TRAP1: variants seen among roughly 807,000 people sequenced by gnomAD.
The protein encoded by TRAP1 is heat shock protein 75 kDa, mitochondrial.
A neutral mutation model predicts 89.1 loss-of-function variants in TRAP1; 102 were observed. That is an observed-to-expected ratio of 1.15 (90% CI 0.98 to 1.35). The LOEUF (loss-of-function observed/expected upper bound fraction) is 1.35, where lower values mean the gene tolerates loss of function less well. TRAP1 is among the 40% of genes most tolerant of loss of function. The pLI is 0.00. For synonymous variants in TRAP1, 508 were observed against 388.0 expected, an observed-to-expected ratio of 1.31 and a Z score of -3.64; for missense variants, 1,256 against 945.3, an observed-to-expected ratio of 1.33 and a Z score of -4.31.
chr16:3,696,136 G>A, intron 1 of TRAP1, among the ~76,000 whole-genome samples: 1 of 152,266 alleles, frequency 6.6e-6, no homozygotes, highest in East Asian at 1.9e-4. Context: ...ACGTCCCAGG[G>A]AAAGCCTTTG....
intron 16 of TRAP1, chr16:3,661,232 C>T (rs1385447884): frequency 6.6e-6 from 1 of 152,104 alleles, no homozygotes; most frequent in Admixed American, 6.5e-5. Context: ...AGATCACATT[C>T]ATGGGTGCAA....
At chr16:3,675,468 C>T (rs1284685620) in intron 7 of TRAP1, 71 bp from the exon 8 acceptor site, 29 of 1,486,294 alleles carry the variant, frequency 2.0e-5, no homozygotes, top group Middle Eastern at 1.7e-4. Context: ...GCAGCAGCTC[C>T]AGGATGAGCG....
Position 3,707,035 on chromosome 16 carries a change from G to GT in TRAP1, c.88+10385dup, listed in dbSNP as rs2051456872. ...TTTCCACATCCTAGTTATCCATTTT[G>GT]TATCACCTGTTTTTTTGTTGTTGTT... is the stretch of plus-strand genomic sequence containing the variant. On this transcript the variant is annotated intron_variant, in intron 1 of 17. Coordinates refer to ENST00000246957, the MANE Select transcript of TRAP1 (RefSeq NM_016292.3). Among the ~76,000 whole-genome samples the GT allele has an allele frequency of 2.0e-5, 3 of 151,912 alleles. 1 individual carries two copies. Among genetic ancestry groups the GT allele is most frequent in the Admixed American group, 6.6e-5 (1 of 15,234 alleles).
Position 3,661,962 on chromosome 16 carries a change from G to A in TRAP1, c.1940+25C>T, listed in dbSNP as rs371553359. ...AGGATTCTGGGGAATCCCACAGGCT[G>A]GAAGAGCCAGGAGCGTGGCCTCACC... On this transcript the variant is annotated intron_variant, in intron 16 of 17. Coordinates refer to ENST00000246957, the MANE Select transcript of TRAP1 (RefSeq NM_016292.3). The A allele has an allele frequency of 4.8e-5, 75 of 1,574,314 alleles. No homozygotes were observed. In the African/African-American group the frequency reaches 5.1e-4, roughly 11 times the overall value.
intron 2 of TRAP1, among the ~76,000 whole-genome samples, chr16:3,689,981 G>A (rs2051191522): frequency 6.6e-6 from 1 of 152,154 alleles, no homozygotes; most frequent in Non-Finnish European, 1.5e-5. Context: ...ACGAGAACTG[G>A]ACTGCCTCTA....
At chr16:3,685,123 GCACAGGGCGCTGCAGCCCTGCC>G (rs1359576940) in intron 4 of TRAP1, among the ~76,000 whole-genome samples, 1 of 152,172 alleles carries the variant, frequency 6.6e-6, no homozygotes, top group Non-Finnish European at 1.5e-5. Context: ...CAGGAGGAAA[GCACAGGGCGCTGCAGCCCTGCC>G]CACAGGGCCC....
chr16:3,677,410 C>T lies in TRAP1; in HGVS notation c.704+88G>A, dbSNP rs150963093. The T allele has an allele frequency of 8.2e-4, 1,267 of 1,551,256 alleles. 5 individuals carry two copies. The African/African-American group carries it at 0.014, about 17-fold the overall frequency. On this transcript the variant is annotated intron_variant, in intron 6 of 17. Coordinates refer to ENST00000246957, the MANE Select transcript of TRAP1 (RefSeq NM_016292.3). Reference sequence around the variant, plus strand: ...AAAAAGCCCAGAAAATGCCTGTGTACGTTTTCTGAGTCCATCCCTTTCCAA... The same window carrying T: ...AAAAAGCCCAGAAAATGCCTGTGTATGTTTTCTGAGTCCATCCCTTTCCAA...
intron 11 of TRAP1, among the ~76,000 whole-genome samples, chr16:3,670,777 G>A (rs948072857): frequency 7.9e-5 from 12 of 152,202 alleles, no homozygotes; most frequent in African/African-American, 2.9e-4. Flanking sequence ...TGCCTCTGAA[G>A]GTGAGGCAGG....
chr16:3,658,595 C>A (rs1462838688), intron 17 of TRAP1, 198 bp downstream of exon 17: 3 of 596,672 alleles, frequency 5.0e-6, no homozygotes, highest in Non-Finnish European at 8.8e-6. Flanking sequence ...ATTGCTTGAA[C>A]CCGGGAGGCA....
chr16:3,664,385 G>T lies in TRAP1; in HGVS notation c.1458C>A (p.Tyr486Ter), dbSNP rs555130426. The T allele has an allele frequency of 1.2e-6, 2 of 1,612,342 alleles. No homozygotes were observed. The highest frequency in any genetic ancestry group is 1.7e-6 in the Non-Finnish European group (2 of 1,179,424). The change falls in exon 13 of 18, where the codon TAC becomes TAA. Residue 486 changes from tyrosine to a stop codon, truncating the protein, a stop_gained. Transcript: ENST00000246957. LOFTEE classifies it high-confidence loss of function. ...GGGTGCCGGCCCGCATGCGGCTGGCGTATTCTGAGAGGCTGGTTAGCTGCC... is the reference window on the plus strand; with the variant it reads ...GGGTGCCGGCCCGCATGCGGCTGGCTTATTCTGAGAGGCTGGTTAGCTGCC... ...PSGQLTSLSE[Y>*]ASRMRAGTRN...
chr16:3,682,582 A>G (rs1313232623), intron 4 of TRAP1, among the ~76,000 whole-genome samples: 1 of 152,098 alleles, frequency 6.6e-6, no homozygotes, highest in Non-Finnish European at 1.5e-5. Context: ...CAGCAGAGAC[A>G]GGGTTTCACC....
chr16:3,660,142 A>C (rs2042987461), intron 16 of TRAP1: 1 of 152,218 alleles, frequency 6.6e-6, no homozygotes, highest in African/African-American at 2.4e-5. Context: ...AAGGGAGAAA[A>C]GCAAGGCAAG....
intron 1 of TRAP1, among the ~76,000 whole-genome samples, chr16:3,712,836 A>G (rs560951839): frequency 6.6e-6 from 1 of 152,240 alleles, no homozygotes; most frequent in Non-Finnish European, 1.5e-5. Flanking sequence ...GGTTGGTCTC[A>G]AATTCCTGAA....
At chr16:3,694,955 G>A (rs1021739777) in intron 1 of TRAP1, among the ~76,000 whole-genome samples, 5 of 152,292 alleles carry the variant, frequency 3.3e-5, no homozygotes, top group Non-Finnish European at 5.9e-5. Context: ...GTCTGTTTGC[G>A]CCTCTTCCAG....
At position 3,674,455 on chromosome 16, in the gene TRAP1, G is replaced by T. The variant is rs1208878845; in HGVS notation, c.928C>A (p.Gln310Lys). Residue 310 changes from glutamine to lysine, a missense_variant, in exon 9 of 18, where the codon CAA becomes AAA. Gln to Lys is a moderately conservative substitution (Grantham distance 53). Transcript: ENST00000246957. ...ACGTAGCGGTAGAACTCCTCATGTT[G>T]CCACTCACGGACATCCTTGGGGTCC... ...MMDPKDVREWQHEEFYRYVAQ... is the reference protein window; with the variant it reads ...MMDPKDVREWKHEEFYRYVAQ... 6.2e-7 allele frequency: 1 copy of T among 1,614,086 alleles called. No individual in the cohort carries two copies. Among genetic ancestry groups the T allele is most frequent in the South Asian group, 1.1e-5 (1 of 91,086 alleles).
chr16:3,676,456 G>A (rs1337841609), intron 6 of TRAP1: 1 of 211,420 alleles, frequency 4.7e-6, no homozygotes, highest in African/African-American at 2.3e-5. Context: ...GGGGCACTGT[G>A]GGGGACTGGC....
chr16:3,679,531 G>C (rs1315029554), intron 5 of TRAP1, among the ~76,000 whole-genome samples, 188 bp downstream of exon 5: 1 of 152,102 alleles, frequency 6.6e-6, no homozygotes, highest in African/African-American at 2.4e-5. Context: ...CCAACCCCTA[G>C]ATACTGAGGG....
chr16:3,696,531 A>C (rs2051289776), intron 1 of TRAP1, among the ~76,000 whole-genome samples: 1 of 152,114 alleles, frequency 6.6e-6, no homozygotes, highest in African/African-American at 2.4e-5. Flanking sequence ...ACCATCAGGA[A>C]ACACCACAGC....
intron 1 of TRAP1, among the ~76,000 whole-genome samples, chr16:3,707,671 T>C (rs536724064): frequency 1.3e-5 from 2 of 149,270 alleles, no homozygotes; most frequent in East Asian, 2.1e-4. Context: ...CTGGCCAACA[T>C]GGTGAAACCC....
Sources: allele counts gnomAD v4.1 joint callset (sites outside exome capture counted in the v4.1 genomes callset), GRCh38; gene constraint gnomAD v4.1.1; transcripts MANE v1.5; gene names NCBI Gene and HGNC (gene_info 2026-07-23, HGNC 2026-07-21).